The following MCC variants were observed in gnomAD, a reference collection of about 807,000 sequenced individuals.
The protein encoded by MCC is colorectal mutant cancer protein.
A neutral mutation model predicts 116.2 loss-of-function variants in MCC; 90 were observed. That is an observed-to-expected ratio of 0.77 (90% confidence interval 0.65 to 0.92). The LOEUF (loss-of-function observed/expected upper bound fraction) is 0.92, where lower values mean the gene tolerates loss of function less well. Ranked by LOEUF, MCC falls within the 40% of genes least tolerant of loss-of-function variation. MCC has a pLI of 0.00. For missense variants in MCC, 1,516 were observed against 1,312.2 expected, an observed-to-expected ratio of 1.16 and a Z score of -2.40; for synonymous variants, 578 against 510.5, an observed-to-expected ratio of 1.13 and a Z score of -1.78.
intron 2 of MCC, among the ~76,000 whole-genome samples, chr5:113,378,269 C>T (rs1008232902): frequency 5.3e-5 from 8 of 152,032 alleles, no homozygotes; most frequent in African/African-American, 1.7e-4. Flanking sequence ...TTTTTGAGTT[C>T]CTATTAGAGA....
intron 3 of MCC, among the ~76,000 whole-genome samples, chr5:113,324,860 T>TC (rs1767512363): frequency 6.7e-6 from 1 of 150,258 alleles, no homozygotes; most frequent in Non-Finnish European, 1.5e-5. Flanking sequence ...GGAGACAGGG[T>TC]CCCCCTCTGT....
chr5:113,121,320 G>T (rs1757723707), intron 6 of MCC, among the ~76,000 whole-genome samples: 1 of 152,134 alleles, frequency 6.6e-6, no homozygotes, highest in Admixed American at 6.5e-5. Flanking sequence ...TCTTTCAGTA[G>T]CTTCTTGTGG....
chr5:113,381,487 A>G (rs1561545153), intron 2 of MCC, among the ~76,000 whole-genome samples: 1 of 152,172 alleles, frequency 6.6e-6, no homozygotes, highest in East Asian at 1.9e-4. Context: ...CAAAACTAGT[A>G]TTTAAAACCA....
intron 2 of MCC, among the ~76,000 whole-genome samples, chr5:113,383,189 C>T (rs1289383999): frequency 1.9e-4 from 29 of 152,040 alleles, no homozygotes; most frequent in Admixed American, 1.9e-3. Context: ...TACACATTTA[C>T]ACATTATTTT....
chr5:113,367,678 G>C (rs34437714), intron 2 of MCC, among the ~76,000 whole-genome samples: 27,820 of 149,378 alleles, frequency 0.19, 3,298 homozygotes, highest in African/African-American at 0.31. Flanking sequence ...GCGAGAGAGA[G>C]AATCCCCTGA....
intron 5 of MCC, among the ~76,000 whole-genome samples, chr5:113,141,450 T>C (rs1191455995): frequency 6.6e-6 from 1 of 152,220 alleles, no homozygotes; most frequent in Non-Finnish European, 1.5e-5. Context: ...TGTCTATCTG[T>C]CTCTACGTTC....
At chr5:113,284,542 GA>G (rs1285897583) in intron 3 of MCC, among the ~76,000 whole-genome samples, 1 of 152,094 alleles carries the variant, frequency 6.6e-6, no homozygotes, top group Non-Finnish European at 1.5e-5. Context: ...AGGCAGAAGA[GA>G]AAAAAATATC....
chr5:113,249,359 G>A (rs1327557498), intron 3 of MCC, among the ~76,000 whole-genome samples: 1 of 152,200 alleles, frequency 6.6e-6, no homozygotes, highest in Non-Finnish European at 1.5e-5. Context: ...GATGAGGACA[G>A]TGAGACTTAC....
chr5:113,475,007 A>G (rs1236488988), intron 1 of MCC, among the ~76,000 whole-genome samples: 2 of 152,230 alleles, frequency 1.3e-5, no homozygotes. Flanking sequence ...TAAATGCAGA[A>G]TTCTGATATT....
chr5:113,376,383 G>T (rs1209859006), intron 2 of MCC, among the ~76,000 whole-genome samples: 1 of 152,164 alleles, frequency 6.6e-6, no homozygotes, highest in African/African-American at 2.4e-5. Context: ...ATGCATAATT[G>T]AGTAGAGAAG....
chr5:113,046,110 C>T (rs1433377295), intron 16 of MCC, among the ~76,000 whole-genome samples: 1 of 151,960 alleles, frequency 6.6e-6, no homozygotes, highest in Non-Finnish European at 1.5e-5. Flanking sequence ...TATTTCATTA[C>T]CTGAAAAACA....
At chr5:113,391,053 G>A (rs1008521863) in intron 1 of MCC, among the ~76,000 whole-genome samples, 5 of 152,074 alleles carry the variant, frequency 3.3e-5, no homozygotes, top group South Asian at 2.1e-4. Flanking sequence ...GCTGTTGAAC[G>A]GAATAAATGC....
intron 5 of MCC, among the ~76,000 whole-genome samples, chr5:113,127,340 G>T (rs1394147843): frequency 1.3e-5 from 2 of 152,208 alleles, no homozygotes; most frequent in African/African-American, 4.8e-5. Context: ...ATAGTAGAAT[G>T]CTTTATGTTC....
chr5:113,156,526 T>C (rs937052937), intron 3 of MCC, among the ~76,000 whole-genome samples: 4 of 152,164 alleles, frequency 2.6e-5, no homozygotes, highest in African/African-American at 9.7e-5. Context: ...ACCTGGTAGA[T>C]AGCACAGGAC....
At chr5:113,457,636 T>C (rs1029862783) in intron 1 of MCC, among the ~76,000 whole-genome samples, 5 of 152,116 alleles carry the variant, frequency 3.3e-5, no homozygotes, top group African/African-American at 7.2e-5. Context: ...GGAGAACCTT[T>C]ATGTCTAGCT....
At chr5:113,133,759 C>T (rs1490610505) in intron 5 of MCC, among the ~76,000 whole-genome samples, 3 of 152,104 alleles carry the variant, frequency 2.0e-5, no homozygotes, top group African/African-American at 7.2e-5. Context: ...TATGAGACTT[C>T]CTCTTTCTTA....
At chr5:113,470,835 G>C (rs1284946563) in intron 1 of MCC, among the ~76,000 whole-genome samples, 1 of 151,810 alleles carries the variant, frequency 6.6e-6, no homozygotes, top group African/African-American at 2.4e-5. Flanking sequence ...TGTAGATTTG[G>C]TCTTTTCACA....
intron 3 of MCC, among the ~76,000 whole-genome samples, chr5:113,290,775 T>C (rs1561509706): frequency 1.3e-5 from 2 of 152,238 alleles, no homozygotes; most frequent in Admixed American, 6.5e-5. Context: ...ATTCGGCTTC[T>C]TGATCATGGG....
chr5:113,057,447 G>A (rs1419944996), intron 14 of MCC, among the ~76,000 whole-genome samples: 3 of 152,132 alleles, frequency 2.0e-5, no homozygotes, highest in Non-Finnish European at 4.4e-5. Flanking sequence ...AAGGCAGGGA[G>A]AAAGATAAAA....
Sources: allele counts gnomAD v4.1 joint callset (sites outside exome capture counted in the v4.1 genomes callset), GRCh38; gene constraint gnomAD v4.1.1; transcripts MANE v1.5; gene names NCBI Gene and HGNC (gene_info 2026-07-23, HGNC 2026-07-21).